FRMD4B: variants seen among roughly 807,000 people sequenced by gnomAD.
The protein encoded by FRMD4B is FERM domain containing 4B.
FRMD4B carries 74 observed loss-of-function variants against 141.5 expected under a neutral mutation model. The observed-to-expected ratio is 0.52, with a 90% CI of 0.43 to 0.63. The LOEUF (loss-of-function observed/expected upper bound fraction) is 0.63, where lower values mean the gene tolerates loss of function less well. Ranked by LOEUF, FRMD4B falls within the 30% of genes least tolerant of loss-of-function variation. The probability of loss-of-function intolerance (pLI) is 0.00; values close to 1 mark genes in which losing one functional copy is unlikely to be tolerated. For missense variants in FRMD4B, 1,366 were observed against 1,253.4 expected, an observed-to-expected ratio of 1.09 and a Z score of -1.36; for synonymous variants, 506 against 467.9, an observed-to-expected ratio of 1.08 and a Z score of -1.05.
chr3:69,463,930 A>G (rs1298133749), intron 1 of FRMD4B, among the ~76,000 whole-genome samples: 1 of 152,220 alleles, frequency 6.6e-6, no homozygotes, highest in Non-Finnish European at 1.5e-5. Flanking sequence ...ATCACAGAAG[A>G]TGATTGATCA....
rs2092886554 is a variant in FRMD4B, at chr3:69,195,079, G to A, written c.1431C>T (p.Val477=). The change falls in exon 16 of 23, where the codon GTC becomes GTT. Residue 477 remains valine (V), a synonymous_variant. Coordinates refer to ENST00000398540, the MANE Select transcript of FRMD4B (RefSeq NM_015123.3). Reference sequence around the variant, plus strand: ...TGAACGCAGTACCCACACGTCTTCTGACCTGAGGAGGCTTCTCGCCTATGT... The same window carrying A: ...TGAACGCAGTACCCACACGTCTTCTAACCTGAGGAGGCTTCTCGCCTATGT... The part of the protein sequence containing the change: ...PLNIGEKPPQ[V]RRRVGTAFKL... 6.2e-7 allele frequency: 1 copy of A among 1,613,820 alleles called. No individual in the cohort carries two copies. Among genetic ancestry groups the A allele is most frequent in the Non-Finnish European group, 8.5e-7 (1 of 1,179,724 alleles).
chr3:69,214,770 A>C (rs2093122343), intron 11 of FRMD4B, among the ~76,000 whole-genome samples: 1 of 152,066 alleles, frequency 6.6e-6, no homozygotes, highest in Admixed American at 6.5e-5. Context: ...GCTGAGGTGG[A>C]AGGATTGCTT....
chr3:69,345,292 G>A (rs564288588), intron 1 of FRMD4B, among the ~76,000 whole-genome samples: 1 of 152,304 alleles, frequency 6.6e-6, no homozygotes, highest in South Asian at 2.1e-4. Flanking sequence ...CTGGGGTAGG[G>A]GTACCCGCCA....
At chr3:69,201,301 C>G (rs2092964805) in intron 11 of FRMD4B, among the ~76,000 whole-genome samples, 1 of 152,030 alleles carries the variant, frequency 6.6e-6, no homozygotes, top group South Asian at 2.1e-4. Flanking sequence ...TGTATAGAAA[C>G]TTGAATATCA....
intron 11 of FRMD4B, among the ~76,000 whole-genome samples, chr3:69,211,481 A>C (rs1575613599): frequency 1.3e-5 from 2 of 152,336 alleles, no homozygotes; most frequent in African/African-American, 4.8e-5. Flanking sequence ...CTGGGAGGTC[A>C]AACAAATACC....
chr3:69,258,422 T>C (rs1287361794), intron 5 of FRMD4B, among the ~76,000 whole-genome samples: 1 of 151,982 alleles, frequency 6.6e-6, no homozygotes, highest in Non-Finnish European at 1.5e-5. Flanking sequence ...AATGTTTTCA[T>C]CTTAGGGAAA....
rs548911701 is a variant in FRMD4B, at chr3:69,171,276, G to C, written c.*585C>G. Reference sequence around the variant, plus strand: ...CTTATGAAAAACATCACTCTTTATAGTATCCTAAAAAACATTTACACTCAT... The same window carrying C: ...CTTATGAAAAACATCACTCTTTATACTATCCTAAAAAACATTTACACTCAT... On this transcript the variant is annotated 3_prime_UTR_variant, in exon 23 of 23. Transcript: ENST00000398540. 6.6e-6 allele frequency: 1 copy of C among 152,278 alleles called. No individual in the cohort carries two copies. Among genetic ancestry groups the C allele is most frequent in the South Asian group, 2.1e-4 (1 of 4,830 alleles). 9.4% of individuals were successfully genotyped at this position (152,278 alleles called of 1,614,324 possible). A position where few individuals can be genotyped will look rare whatever the true frequency, so the allele number is the denominator to read the frequency against.
intron 2 of FRMD4B, among the ~76,000 whole-genome samples, chr3:69,396,144 A>G (rs1221808673): frequency 6.6e-6 from 1 of 152,156 alleles, no homozygotes; most frequent in African/African-American, 2.4e-5. Flanking sequence ...GATATGAACT[A>G]TTGATCTAAG....
intron 1 of FRMD4B, among the ~76,000 whole-genome samples, chr3:69,451,329 T>C (rs76724707): frequency 6.6e-6 from 1 of 152,300 alleles, no homozygotes; most frequent in African/African-American, 2.4e-5. Context: ...GAAAGAACTG[T>C]TGGCCTGGCA....
chr3:69,456,200 C>A (rs1331643864), intron 1 of FRMD4B, among the ~76,000 whole-genome samples: 2 of 151,592 alleles, frequency 1.3e-5, no homozygotes, highest in Admixed American at 6.6e-5. Context: ...AGGTGTATGA[C>A]ACTTTCATTT....
intron 1 of FRMD4B, chr3:69,334,017 T>C (rs1244079783): frequency 6.6e-6 from 1 of 152,174 alleles, no homozygotes; most frequent in African/African-American, 2.4e-5. Context: ...CTTGCATCCA[T>C]CTCTAACAGG....
At chr3:69,197,071 C>T (rs2107655473) in intron 12 of FRMD4B, 33 bp from the exon 13 acceptor site, 2 of 1,590,358 alleles carry the variant, frequency 1.3e-6, no homozygotes, top group East Asian at 2.2e-5. Context: ...CAAATAATTC[C>T]CCTCTGGCCC....
intron 1 of FRMD4B, among the ~76,000 whole-genome samples, chr3:69,357,903 A>G (rs957363605): frequency 2.6e-5 from 4 of 152,220 alleles, no homozygotes; most frequent in African/African-American, 9.6e-5. Context: ...CAGCCTCTAG[A>G]AACAATTCAG....
intron 1 of FRMD4B, among the ~76,000 whole-genome samples, chr3:69,502,539 G>A (rs1706515892): frequency 6.6e-6 from 1 of 152,094 alleles, no homozygotes; most frequent in African/African-American, 2.4e-5. Flanking sequence ...ATTCAAGATG[G>A]ATTAAAGACT....
intron 5 of FRMD4B, among the ~76,000 whole-genome samples, chr3:69,261,991 G>A (rs990505735): frequency 3.3e-5 from 5 of 151,686 alleles, no homozygotes; most frequent in Admixed American, 2.0e-4. Context: ...TTTTAAGACA[G>A]AGTCTCACTC....
chr3:69,238,566 T>C (rs183946905), intron 7 of FRMD4B, among the ~76,000 whole-genome samples: 64 of 152,294 alleles, frequency 4.2e-4, no homozygotes, highest in African/African-American at 1.5e-3. Flanking sequence ...GGCAAACTGC[T>C]TGAGCCCAGG....
At chr3:69,240,716 G>A (rs529062100) in intron 7 of FRMD4B, among the ~76,000 whole-genome samples, 1 of 152,206 alleles carries the variant, frequency 6.6e-6, no homozygotes, top group African/African-American at 2.4e-5. Flanking sequence ...TGGATTAACC[G>A]CATTAGCCAT....
In FRMD4B at chr3:69,171,643, A is replaced by C. The variant is rs2092587520; in HGVS notation, c.*218T>G. On this transcript the variant is annotated 3_prime_UTR_variant, in exon 23 of 23. Coordinates refer to ENST00000398540, the MANE Select transcript of FRMD4B (RefSeq NM_015123.3). The stretch of plus-strand genomic sequence containing the variant: ...CAACATGTGGGCAGACCCTACAGTT[A>C]CGTTAGTGCCTAGAGTTTGAAAGGC... 2.0e-6 allele frequency: 1 copy of C among 502,976 alleles called. No homozygotes were observed. Among genetic ancestry groups the C allele is most frequent in the East Asian group, 3.5e-5 (1 of 28,622 alleles). The allele number at this position is 502,976 out of a possible 1,614,324, so 31.2% of individuals were successfully genotyped here.
At position 69,481,021 on chromosome 3, in the gene FRMD4B, G is replaced by C. The variant is rs35599441; in HGVS notation, c.-128-48260C>G. 2.0e-5 allele frequency among the ~76,000 whole-genome samples: 3 copies of C among 152,174 alleles called. No individual in the cohort carries two copies. In the East Asian group the frequency reaches 5.8e-4, roughly 30 times the overall value. On this transcript the variant is annotated intron_variant, in intron 1 of 5. Coordinates refer to the FRMD4B transcript ENST00000459638. ...GCTTAGGACCCTCCGAGCCATGTGC[G>C]GGATATAATCTCCTGGTGCGCCGTT...
Sources: gnomAD v4.1 joint callset for allele counts (sites outside exome capture counted in the v4.1 genomes callset) on GRCh38, gnomAD v4.1.1 for gene constraint, MANE v1.5 for transcripts, NCBI Gene and HGNC (gene_info 2026-07-23, HGNC 2026-07-21) for gene names.